ANO10: variants seen among roughly 807,000 people sequenced by gnomAD.
ANO10 encodes the protein anoctamin 10, also known as anoctamin-10.
ANO10 carries 77 observed loss-of-function variants against 74.7 expected under a neutral mutation model. The ratio of observed to expected loss-of-function variants is 1.03; its 90% CI spans 0.86 to 1.25. The LOEUF is 1.25. Among genes scored for constraint, ANO10 ranks in the 50% most tolerant of loss-of-function variants. ANO10 has a pLI of 0.00. For missense variants in ANO10, 721 were observed against 778.1 expected, an observed-to-expected ratio of 0.93 and a Z score of 0.87; for synonymous variants, 279 against 284.9, an observed-to-expected ratio of 0.98 and a Z score of 0.21.
intron 1 of ANO10, among the ~76,000 whole-genome samples, chr3:43,670,353 T>A (rs1265434112): frequency 6.7e-6 from 1 of 149,810 alleles, no homozygotes; most frequent in Non-Finnish European, 1.5e-5. Flanking sequence ...AATAAATAAA[T>A]AAAATAATAA....
intron 1 of ANO10, among the ~76,000 whole-genome samples, chr3:43,658,453 T>A (rs1166301346): frequency 1.3e-5 from 2 of 151,590 alleles, no homozygotes; most frequent in Non-Finnish European, 2.9e-5. Flanking sequence ...ACACCAAAGT[T>A]TATATTATTA....
intron 4 of ANO10, among the ~76,000 whole-genome samples, chr3:43,592,564 C>G (rs1159215958): frequency 2.4e-4 from 36 of 152,170 alleles, no homozygotes; most frequent in Admixed American, 2.3e-3. Context: ...AACTAACAAA[C>G]AGAAAGACAT....
At chr3:43,372,747 G>A (rs1377834123) in intron 12 of ANO10, 1 of 1,131,174 alleles carries the variant, frequency 8.8e-7, no homozygotes, top group Admixed American at 2.0e-5. Flanking sequence ...GGTCTCCAGA[G>A]AGCAGGGCCA....
intron 11 of ANO10, among the ~76,000 whole-genome samples, chr3:43,532,957 T>C (rs1005871896): frequency 5.3e-5 from 8 of 152,320 alleles, no homozygotes; most frequent in Admixed American, 2.0e-4. Context: ...AAACGTTCTC[T>C]ATACTCTCTG....
chr3:43,396,408 G>A (rs946900671), intron 12 of ANO10, among the ~76,000 whole-genome samples: 4 of 151,584 alleles, frequency 2.6e-5, no homozygotes, highest in Non-Finnish European at 5.9e-5. Flanking sequence ...GCGCAATCTT[G>A]GCTCACTGCA....
chr3:43,595,577 A>C (rs552914464), intron 4 of ANO10, among the ~76,000 whole-genome samples: 2 of 152,178 alleles, frequency 1.3e-5, no homozygotes, highest in East Asian at 3.9e-4. Flanking sequence ...CATGCTAAAA[A>C]CTCTCAATAA....
At chr3:43,368,622 G>A (rs2091491780) in intron 12 of ANO10, among the ~76,000 whole-genome samples, 1 of 151,640 alleles carries the variant, frequency 6.6e-6, no homozygotes, top group African/African-American at 2.4e-5. Flanking sequence ...TAATATTTCA[G>A]CCCAGGTTCA....
chr3:43,495,642 G>A (rs1263077021), intron 11 of ANO10, among the ~76,000 whole-genome samples: 1 of 152,086 alleles, frequency 6.6e-6, no homozygotes, highest in Non-Finnish European at 1.5e-5. Flanking sequence ...CTCAATGCTG[G>A]TCAGGAAATT....
intron 4 of ANO10, among the ~76,000 whole-genome samples, chr3:43,586,695 C>CA (rs1418780645): frequency 2.0e-5 from 3 of 151,834 alleles, no homozygotes; most frequent in Admixed American, 6.6e-5. Flanking sequence ...CATCCAGCAA[C>CA]AAAAAACCAT....
chr3:43,549,169 C>T (rs2079334864), intron 11 of ANO10, among the ~76,000 whole-genome samples: 1 of 151,828 alleles, frequency 6.6e-6, no homozygotes, highest in South Asian at 2.1e-4. Context: ...ATGGTGCCAT[C>T]ATAGCTCACT....
chr3:43,538,821 C>T (rs183805743), intron 11 of ANO10, among the ~76,000 whole-genome samples: 34 of 152,194 alleles, frequency 2.2e-4, no homozygotes, highest in Admixed American at 5.2e-4. Context: ...CTCAACCCAA[C>T]GAAGAGGCTG....
At chr3:43,504,831 A>G (rs1053651392) in intron 11 of ANO10, among the ~76,000 whole-genome samples, 11 of 152,102 alleles carry the variant, frequency 7.2e-5, no homozygotes, top group Admixed American at 2.0e-4. Context: ...TAGTAGAGAC[A>G]GGGTTTCAAC....
intron 1 of ANO10, among the ~76,000 whole-genome samples, chr3:43,685,028 A>G (rs974575275): frequency 5.9e-5 from 9 of 152,374 alleles, no homozygotes; most frequent in Middle Eastern, 3.4e-3. Context: ...ACATGTATAC[A>G]TATGTAACAA....
At chr3:43,515,750 A>G (rs941648569) in intron 11 of ANO10, among the ~76,000 whole-genome samples, 1 of 152,166 alleles carries the variant, frequency 6.6e-6, no homozygotes, top group African/African-American at 2.4e-5. Context: ...ATCAATGGAC[A>G]CAATCGAGAT....
chr3:43,546,799 T>G (rs2079213283), intron 11 of ANO10, among the ~76,000 whole-genome samples: 1 of 152,116 alleles, frequency 6.6e-6, no homozygotes, highest in African/African-American at 2.4e-5. Context: ...CTTAGGGACC[T>G]GTGGGAAAAT....
intron 1 of ANO10, among the ~76,000 whole-genome samples, chr3:43,658,888 T>C (rs1251227576): frequency 3.3e-5 from 5 of 152,216 alleles, no homozygotes; most frequent in African/African-American, 1.2e-4. Context: ...AGTGGGGTTC[T>C]ATAAAGGTCT....
intron 1 of ANO10, among the ~76,000 whole-genome samples, chr3:43,679,831 G>A (rs2084171399): frequency 6.6e-6 from 1 of 152,196 alleles, no homozygotes; most frequent in South Asian, 2.1e-4. Context: ...GGCAAACAGG[G>A]TCTGGAGTGG....
intron 11 of ANO10, among the ~76,000 whole-genome samples, chr3:43,455,184 A>G (rs951754324): frequency 6.6e-6 from 1 of 152,010 alleles, no homozygotes; most frequent in Non-Finnish European, 1.5e-5. Context: ...AGCCAAGAGC[A>G]AGGGAGGGAA....
rs1304021060 is a variant in ANO10, at chr3:43,366,918, C to A, written c.1971G>T (p.Glu657Asp). 2 of 1,594,008 alleles carry A rather than the reference C, an allele frequency of 1.3e-6. No homozygotes were observed. Among genetic ancestry groups the A allele is most frequent in the East Asian group, 4.5e-5 (2 of 44,406 alleles). ...GCACGCTGGGCACTCAGGTTGCCTT[C>A]TCCTTCCCGCTTTCCATTGGTTCCT... Reference protein sequence around the residue: ...LKEEPMESGKEKAT With the variant: ...LKEEPMESGKDKAT The change falls in exon 13 of 13, where the codon GAG becomes GAT. Residue 657 changes from glutamate to aspartate, a missense_variant. Physicochemically the swap from Glu to Asp is conservative, Grantham distance 45. Transcript: ENST00000292246.
Sources: gnomAD v4.1 joint callset for allele counts (sites outside exome capture counted in the v4.1 genomes callset) on GRCh38, gnomAD v4.1.1 for gene constraint, MANE v1.5 for transcripts, NCBI Gene and HGNC (gene_info 2026-07-23, HGNC 2026-07-21) for gene names.